DCC: variants seen among roughly 807,000 people sequenced by gnomAD.
DCC encodes the protein DCC netrin 1 receptor.
Under a neutral mutation model 172.5 loss-of-function variants are expected in DCC, and 58 were observed. The ratio of observed to expected loss-of-function variants is 0.34; its 90% CI spans 0.27 to 0.42. The LOEUF (loss-of-function observed/expected upper bound fraction) is 0.42. Among genes scored for constraint, DCC ranks in the 10% least tolerant of loss-of-function variants. DCC has a pLI of 1.00. For synonymous variants in DCC, 709 were observed against 644.5 expected (o/e 1.10, Z -1.52); for missense variants, 1,740 against 1,791.0 (o/e 0.97, Z 0.51).
At chr18:53,000,189 C>G (rs987352301) in intron 5 of DCC, among the ~76,000 whole-genome samples, 2 of 151,948 alleles carry the variant, frequency 1.3e-5, no homozygotes, top group African/African-American at 4.8e-5. Flanking sequence ...CAATGGCAGT[C>G]CTTGGAAACT....
intron 12 of DCC, among the ~76,000 whole-genome samples, chr18:53,242,559 TAA>T (rs1019998193): frequency 6.6e-6 from 1 of 152,204 alleles, no homozygotes; most frequent in African/African-American, 2.4e-5. Flanking sequence ...CCATTGCCTG[TAA>T]AGAGTATTTA....
At chr18:53,160,160 C>A (rs1339570360) in intron 8 of DCC, among the ~76,000 whole-genome samples, 1 of 152,102 alleles carries the variant, frequency 6.6e-6, no homozygotes, top group African/African-American at 2.4e-5. Flanking sequence ...CTTGTTCTTA[C>A]CTTTCAATCC....
intron 5 of DCC, among the ~76,000 whole-genome samples, chr18:52,942,292 T>G (rs2040476449): frequency 6.6e-6 from 1 of 152,226 alleles, no homozygotes; most frequent in African/African-American, 2.4e-5. Flanking sequence ...TGGTTTAATA[T>G]TCAAGTTTGT....
At chr18:52,412,933 C>T (rs1400748423) in intron 1 of DCC, among the ~76,000 whole-genome samples, 2 of 152,004 alleles carry the variant, frequency 1.3e-5, no homozygotes, top group Non-Finnish European at 2.9e-5. Context: ...CCGGATTCAT[C>T]CAGATTTAAC....
intron 2 of DCC, among the ~76,000 whole-genome samples, chr18:52,792,812 T>C (rs1210389135): frequency 6.9e-6 from 1 of 145,892 alleles, no homozygotes; most frequent in African/African-American, 2.5e-5. Flanking sequence ...TCCAGTTGAT[T>C]CAATTCCATT....
chr18:52,934,668 A>G (rs2040356395), intron 5 of DCC: 1 of 152,156 alleles, frequency 6.6e-6, no homozygotes, highest in African/African-American at 2.4e-5. Context: ...CTAACCCCCA[A>G]TGTGACTGTA....
intron 9 of DCC, among the ~76,000 whole-genome samples, chr18:53,197,624 A>T (rs1041843527): frequency 6.6e-6 from 1 of 152,070 alleles, no homozygotes; most frequent in Non-Finnish European, 1.5e-5. Context: ...AGCCTCGTTC[A>T]GTATTAGGAA....
At chr18:52,757,646 A>C (rs1423135213) in intron 2 of DCC, among the ~76,000 whole-genome samples, 1 of 151,962 alleles carries the variant, frequency 6.6e-6, no homozygotes, top group Non-Finnish European at 1.5e-5. Flanking sequence ...TGACTGCTGG[A>C]TACATTATAT....
intron 15 of DCC, among the ~76,000 whole-genome samples, chr18:53,351,036 T>G (rs1358495046): frequency 2.0e-5 from 3 of 150,936 alleles, no homozygotes; most frequent in East Asian, 2.0e-4. Flanking sequence ...GATTTTTTTT[T>G]GAGATGAGTG....
rs564060408 is a variant in DCC at position 52,923,686 on chromosome 18, T to C, written c.698-21T>C. 289 of 1,564,142 alleles carry C rather than the reference T, an allele frequency of 1.8e-4. 5 individuals carry two copies. In the South Asian group the frequency reaches 2.9e-3, roughly 16 times the overall value. On this transcript the variant is annotated intron_variant, in intron 3 of 28. Coordinates refer to ENST00000442544, the MANE Select transcript of DCC (RefSeq NM_005215.4). ...GCAATGTTTTTCATATATCATATGATACTGTGTTTTCCCCTCATAGATCCA... is the reference window on the plus strand; with the variant it reads ...GCAATGTTTTTCATATATCATATGACACTGTGTTTTCCCCTCATAGATCCA...
chr18:53,075,902 C>T (rs1366921371), intron 7 of DCC, among the ~76,000 whole-genome samples: 3 of 152,120 alleles, frequency 2.0e-5, no homozygotes, highest in Admixed American at 6.6e-5. Flanking sequence ...TCCTGCTACC[C>T]GCTGTAAATT....
At chr18:52,609,024 A>G (rs1262295119) in intron 1 of DCC, among the ~76,000 whole-genome samples, 4 of 152,186 alleles carry the variant, frequency 2.6e-5, no homozygotes, top group Non-Finnish European at 4.4e-5. Flanking sequence ...CTGAGAGTCA[A>G]TGCAACATGT....
At chr18:52,802,770 T>A (rs773789295) in intron 2 of DCC, among the ~76,000 whole-genome samples, 1 of 144,382 alleles carries the variant, frequency 6.9e-6, no homozygotes, top group Non-Finnish European at 1.5e-5. Context: ...CCTCCCAAAG[T>A]GTAAGGATTA....
At chr18:52,865,040 T>C (rs770170907) in intron 2 of DCC, among the ~76,000 whole-genome samples, 1 of 151,958 alleles carries the variant, frequency 6.6e-6, no homozygotes, top group South Asian at 2.1e-4. Context: ...TAATTTTTTG[T>C]ATTTTTAGTA....
intron 1 of DCC, among the ~76,000 whole-genome samples, chr18:52,352,199 A>C (rs1199011277): frequency 6.6e-6 from 1 of 152,202 alleles, no homozygotes; most frequent in East Asian, 1.9e-4. Context: ...GTATTTCATA[A>C]ATGCTAGCTA....
intron 5 of DCC, among the ~76,000 whole-genome samples, chr18:53,061,583 A>G (rs2042495808): frequency 6.6e-6 from 1 of 152,096 alleles, no homozygotes; most frequent in Non-Finnish European, 1.5e-5. Flanking sequence ...AATGACTCTA[A>G]TTGCTTATCA....
chr18:52,868,051 A>ATGTGTGTG (rs1477971417), intron 2 of DCC, among the ~76,000 whole-genome samples: 3 of 98,798 alleles, frequency 3.0e-5, no homozygotes, highest in Admixed American at 9.1e-5. Context: ...ATATATATAT[A>ATGTGTGTG]TATGTGTGTG....
intron 1 of DCC, among the ~76,000 whole-genome samples, chr18:52,718,930 G>T (rs72914296): frequency 0.23 from 35,709 of 152,092 alleles, 4,841 homozygotes; most frequent in Admixed American, 0.32. Context: ...CAAGAGAAAT[G>T]TATTCTCTCA....
At chr18:53,108,902 C>A (rs924804836) in intron 7 of DCC, among the ~76,000 whole-genome samples, 3 of 151,072 alleles carry the variant, frequency 2.0e-5, no homozygotes, top group Non-Finnish European at 4.4e-5. Context: ...CATGGCTTTC[C>A]TATGCAGCAA....
Sources: gnomAD v4.1 joint callset for allele counts (sites outside exome capture counted in the v4.1 genomes callset) on GRCh38, gnomAD v4.1.1 for gene constraint, MANE v1.5 for transcripts, NCBI Gene and HGNC (gene_info 2026-07-23, HGNC 2026-07-21) for gene names.